The following MBOAT4 variants were observed in gnomAD, a reference collection of about 807,000 sequenced individuals.
MBOAT4 encodes the protein membrane bound ghrelin O-acyltransferase MBOAT4, also known as membrane-bound ghrelin O-acyltransferase MBOAT4.
In MBOAT4, 11 loss-of-function variants were observed where a neutral mutation model predicts 13.2. The observed-to-expected ratio is 0.84, with a 90% CI of 0.53 to 1.38. The LOEUF (loss-of-function observed/expected upper bound fraction) is 1.38. Ranked by LOEUF, MBOAT4 falls within the 40% of genes most tolerant of loss-of-function variation. MBOAT4 has a pLI of 0.00. For synonymous variants in MBOAT4, 202 were observed against 210.3 expected, an observed-to-expected ratio of 0.96 and a Z score of 0.34; for missense variants, 481 against 527.2, an observed-to-expected ratio of 0.91 and a Z score of 0.86.
rs147954362 is a variant in MBOAT4 at position 30,132,304 on chromosome 8, C to T, written c.947G>A (p.Arg316Gln). 132 of 1,551,732 alleles carry T rather than the reference C, an allele frequency of 8.5e-5. No homozygotes were observed. In the African/African-American group the frequency reaches 1.2e-3, roughly 14 times the overall value. ...WNQSTARWLRRLVFQHSRAWP... is the reference protein window; with the variant it reads ...WNQSTARWLRQLVFQHSRAWP... ...AGCCCTGCTGTGCTGGAATACAAGC[C>T]GTCGGAGCCATCGAGCTGTGCTTTG... Residue 316 changes from arginine (R) to glutamine (Q), a missense_variant, in exon 3 of 3, where the codon CGG (arginine) becomes CAG (glutamine). Physicochemically the swap from Arg to Gln is conservative, Grantham distance 43. Transcript: ENST00000320542.
chr8:30,134,392 C>T (rs1456301448), intron 2 of MBOAT4, among the ~76,000 whole-genome samples: 2 of 150,700 alleles, frequency 1.3e-5, no homozygotes, highest in African/African-American at 4.9e-5. Context: ...CACTGCATTC[C>T]AGCCTGGTGA....
At chr8:30,139,332 G>T (rs1031333698) in intron 1 of MBOAT4, among the ~76,000 whole-genome samples, 2 of 151,866 alleles carry the variant, frequency 1.3e-5, no homozygotes, top group Non-Finnish European at 2.9e-5. Flanking sequence ...CCCTCCCAAG[G>T]TATTCCACCG....
Position 30,137,208 on chromosome 8 carries a change from G to A in MBOAT4, c.344+1324C>T, listed in dbSNP as rs912129807. The A allele has an allele frequency of 3.2e-5, 39 of 1,204,398 alleles. No homozygotes were observed. In the African/African-American group the frequency reaches 5.5e-4, roughly 17 times the overall value. 74.6% of individuals were successfully genotyped at this position (1,204,398 alleles called of 1,614,324 possible). ...AAGCAATGTTTCCTCTCATCTCAGG[G>A]ATCTTGCTGATTCATGACAACACTT... is the stretch of plus-strand genomic sequence containing the variant. On this transcript the variant is annotated intron_variant, in intron 2 of 2. Coordinates refer to ENST00000320542, the MANE Select transcript of MBOAT4 (RefSeq NM_001100916.2).
chr8:30,137,231 C>G (rs780979113), intron 2 of MBOAT4: 16 of 1,453,576 alleles, frequency 1.1e-5, no homozygotes, highest in Admixed American at 3.9e-5. Context: ...CATGACAACA[C>G]TTCTCTAGAC....
At chr8:30,134,344 A>T (rs1056463607) in intron 2 of MBOAT4, among the ~76,000 whole-genome samples, 1 of 151,844 alleles carries the variant, frequency 6.6e-6, no homozygotes, top group African/African-American at 2.4e-5. Context: ...AGTCACTGGA[A>T]CCTGGGAGGC....
intron 1 of MBOAT4, among the ~76,000 whole-genome samples, chr8:30,143,211 G>A (rs1304498092): frequency 6.6e-6 from 1 of 152,124 alleles, no homozygotes; most frequent in African/African-American, 2.4e-5. Context: ...AGCTGGGCAT[G>A]GTGGTGTGCA....
In MBOAT4 at chr8:30,132,652, T is replaced by C. The variant is rs1207328154; in HGVS notation, c.599A>G (p.His200Arg). Residue 200 changes from histidine (H) to arginine (R), a missense_variant, in exon 3 of 3, where the codon CAC becomes CGC. Physicochemically the swap from His to Arg is conservative, Grantham distance 29 (BLOSUM62 0). Transcript: ENST00000320542. The part of the protein sequence containing the change: ...VQGSSALHPR[H>R]SFWALSWRGL... ...CCTCCAGCTCAGAGCCCAGAAAGAG[T>C]GTCTGGGATGCAAAGCACTGGACCC... The C allele has an allele frequency of 6.4e-7, 1 of 1,551,544 alleles. No homozygotes were observed. The highest frequency in any genetic ancestry group is 1.2e-5 in the South Asian group (1 of 84,046).
chr8:30,139,290 A>G (rs1432796111), intron 1 of MBOAT4, among the ~76,000 whole-genome samples: 2 of 25,138 alleles, frequency 8.0e-5, no homozygotes, highest in Admixed American at 8.6e-4. Flanking sequence ...TGGCCCTGGA[A>G]CCTCTCTTTG....
At position 30,132,215 on chromosome 8, in the gene MBOAT4, A is replaced by G. The variant is rs1483908746; in HGVS notation, c.1036T>C (p.Phe346Leu). The G allele has an allele frequency of 1.3e-6, 2 of 1,551,856 alleles. No individual in the cohort carries two copies. Among genetic ancestry groups the G allele is most frequent in the Non-Finnish European group, 8.7e-7 (1 of 1,147,038 alleles). Residue 346 changes from phenylalanine (F) to leucine (L), a missense_variant, in exon 3 of 3, where the codon TTT (phenylalanine) becomes CTT (leucine). By Grantham distance (22) the Phe-to-Leu change is conservative (BLOSUM62 0). Coordinates refer to ENST00000320542, the MANE Select transcript of MBOAT4 (RefSeq NM_001100916.2). ...ATCACGGCCCAGCAAACGAAACCAA[A>G]CACCTGTCCTGGATGGAGTCCATGC... is the stretch of plus-strand genomic sequence containing the variant. The part of the protein sequence containing the change: ...WWHGLHPGQV[F>L]GFVCWAVMVE...
intron 1 of MBOAT4, among the ~76,000 whole-genome samples, chr8:30,139,157 T>C (rs1037653495): frequency 6.6e-6 from 1 of 151,812 alleles, no homozygotes; most frequent in Non-Finnish European, 1.5e-5. Flanking sequence ...GGGGTCTTGG[T>C]GTGTCGCCCA....
Position 30,132,854 on chromosome 8 carries a change from G to C in MBOAT4, c.397C>G (p.Leu133Val). 1.3e-6 allele frequency: 2 copies of C among 1,551,104 alleles called. No homozygotes were observed. Among genetic ancestry groups the C allele is most frequent in the Non-Finnish European group, 1.7e-6 (2 of 1,146,698 alleles). ...LMLLTQRVTS[L>V]SLDICEGKVK... is the part of the protein sequence containing the mutation. ...TTCCCCTCACAAATGTCCAGAGAGA[G>C]GGACGTGACCCTCTGGGTCAAGAGC... is the stretch of plus-strand genomic sequence containing the variant. The change falls in exon 3 of 3, where the codon CTC becomes GTC. Residue 133 changes from leucine (L) to valine (V), a missense_variant. By Grantham distance (32) the Leu-to-Val change is conservative. Transcript: ENST00000320542.
intron 1 of MBOAT4, among the ~76,000 whole-genome samples, chr8:30,142,298 T>C (rs1259652608): frequency 6.6e-6 from 1 of 152,080 alleles, no homozygotes; most frequent in Non-Finnish European, 1.5e-5. Context: ...ACAAGGACAC[T>C]TAGTTAGGTG....
chr8:30,137,855 A>G (rs1021139740), intron 2 of MBOAT4: 2 of 270,538 alleles, frequency 7.4e-6, no homozygotes, highest in Admixed American at 1.0e-4. Context: ...GGAGTCATGC[A>G]GCTGGAGATG....
chr8:30,134,184 G>T (rs1313997621), intron 2 of MBOAT4, among the ~76,000 whole-genome samples: 1 of 152,118 alleles, frequency 6.6e-6, no homozygotes, highest in Non-Finnish European at 1.5e-5. Flanking sequence ...CAGCACTTTG[G>T]GAGGCCGAGG....
chr8:30,134,896 C>G (rs901446445), intron 2 of MBOAT4, among the ~76,000 whole-genome samples: 2 of 148,250 alleles, frequency 1.3e-5, no homozygotes, highest in African/African-American at 5.0e-5. Flanking sequence ...TTTGTTTTTC[C>G]TGAGACACGG....
chr8:30,139,244 C>G (rs753830998), intron 1 of MBOAT4, among the ~76,000 whole-genome samples: 1 of 151,930 alleles, frequency 6.6e-6, no homozygotes, highest in South Asian at 2.1e-4. Context: ...TGAGCCACCC[C>G]CCTGGCCTGG....
intron 2 of MBOAT4, chr8:30,137,236 C>A: frequency 6.7e-7 from 1 of 1,481,542 alleles, no homozygotes; most frequent in Non-Finnish European, 9.2e-7. Flanking sequence ...CAACACTTCT[C>A]TAGACTGTAA....
At chr8:30,133,788 C>CAAAA (rs11430475) in intron 2 of MBOAT4, among the ~76,000 whole-genome samples, 49 of 123,024 alleles carry the variant, frequency 4.0e-4, no homozygotes, top group Admixed American at 1.0e-3. Flanking sequence ...GACCCTGTCT[C>CAAAA]AAAAAAAAAA....
At chr8:30,141,360 C>T (rs1014057503) in intron 1 of MBOAT4, among the ~76,000 whole-genome samples, 4 of 151,928 alleles carry the variant, frequency 2.6e-5, no homozygotes, top group African/African-American at 9.7e-5. Context: ...AATAGCAGGG[C>T]GTGGTGGCTC....
Sources: allele counts gnomAD v4.1 joint callset (sites outside exome capture counted in the v4.1 genomes callset), GRCh38; gene constraint gnomAD v4.1.1; transcripts MANE v1.5; gene names NCBI Gene and HGNC (gene_info 2026-07-23, HGNC 2026-07-21).